The following TAS2R1 variants were observed in gnomAD, a reference collection of about 807,000 sequenced individuals.
The protein encoded by TAS2R1 is taste receptor type 2 member 1.
For missense variants in TAS2R1, 370 were observed against 353.4 expected, an observed-to-expected ratio of 1.05 and a Z score of -0.38; for synonymous variants, 141 against 134.2, an observed-to-expected ratio of 1.05 and a Z score of -0.35.
At chr5:9,835,374 T>C in the TAS2R1 span, among the ~76,000 whole-genome samples, 1 of 152,198 alleles carries the variant, frequency 6.6e-6, no homozygotes, top group Admixed American at 6.5e-5. Flanking sequence ...TGGACATACA[T>C]TCAGTGTCAG....
chr5:9,837,344 G>T, the TAS2R1 span, among the ~76,000 whole-genome samples: 1 of 152,158 alleles, frequency 6.6e-6, no homozygotes, highest in African/African-American at 2.4e-5. Context: ...GAGGCCACAT[G>T]GCAGCCCTTA....
the TAS2R1 span, among the ~76,000 whole-genome samples, chr5:9,830,635 ATAC>A: frequency 4.0e-5 from 6 of 151,306 alleles, no homozygotes; most frequent in African/African-American, 1.5e-4. Flanking sequence ...ACACACACAC[ATAC>A]AACAGAGACA....
the TAS2R1 span, among the ~76,000 whole-genome samples, chr5:9,899,126 C>G: frequency 6.6e-6 from 1 of 152,102 alleles, no homozygotes; most frequent in Admixed American, 6.5e-5. Context: ...ACCATCTATA[C>G]TAAAATATTT....
chr5:9,779,473 C>T, the TAS2R1 span, among the ~76,000 whole-genome samples: 1 of 152,226 alleles, frequency 6.6e-6, no homozygotes. Context: ...GAGATGTCAA[C>T]TCTTCCTGTC....
At chr5:9,848,400 G>A in the TAS2R1 span, among the ~76,000 whole-genome samples, 3 of 152,224 alleles carry the variant, frequency 2.0e-5, no homozygotes, top group African/African-American at 7.2e-5. Flanking sequence ...TTATGCAATG[G>A]GAACTCGGGT....
chr5:9,883,806 C>T, the TAS2R1 span: 2 of 152,310 alleles, frequency 1.3e-5, no homozygotes, highest in Admixed American at 6.5e-5. Context: ...TTCTCAAGTA[C>T]TTTGGGTAAA....
the TAS2R1 span, among the ~76,000 whole-genome samples, chr5:9,723,139 C>A: frequency 1.3e-5 from 2 of 152,152 alleles, no homozygotes; most frequent in Admixed American, 1.3e-4. Flanking sequence ...CCGGGGTTCC[C>A]AGCTTGCTAA....
At chr5:9,680,101 A>G (rs542298962) in intron 1 of TAS2R1, among the ~76,000 whole-genome samples, 1 of 152,328 alleles carries the variant, frequency 6.6e-6, no homozygotes, top group South Asian at 2.1e-4. Context: ...AGCCACTGAA[A>G]AAAGTTCCCA....
intron 2 of TAS2R1, among the ~76,000 whole-genome samples, chr5:9,635,961 CT>C (rs559085648): frequency 6.6e-6 from 1 of 151,540 alleles, no homozygotes; most frequent in Non-Finnish European, 1.5e-5. Context: ...TTTGTTATTT[CT>C]TTTTTTTCTG....
the TAS2R1 span, among the ~76,000 whole-genome samples, chr5:9,820,363 A>G: frequency 2.0e-5 from 3 of 152,230 alleles, no homozygotes; most frequent in African/African-American, 7.2e-5. Flanking sequence ...TTGAGCCTAT[A>G]AAATTTTCAT....
chr5:9,752,847 C>T, the TAS2R1 span, among the ~76,000 whole-genome samples: 116 of 152,222 alleles, frequency 7.6e-4, no homozygotes, highest in African/African-American at 2.6e-3. Flanking sequence ...TGGTTTCCAG[C>T]TTCATCCATG....
intron 1 of TAS2R1, among the ~76,000 whole-genome samples, chr5:9,683,226 A>G (rs566006828): frequency 9.9e-4 from 151 of 152,106 alleles, no homozygotes; most frequent in African/African-American, 2.8e-3. Flanking sequence ...TAATAATCTC[A>G]TATGTATTAT....
chr5:9,900,641 G>C, the TAS2R1 span, among the ~76,000 whole-genome samples: 8 of 58,278 alleles, frequency 1.4e-4, no homozygotes, highest in Non-Finnish European at 9.1e-5. Flanking sequence ...TTTTTTTTTA[G>C]ACGGAGTCTG....
chr5:9,860,577 T>C, the TAS2R1 span, among the ~76,000 whole-genome samples: 3 of 152,180 alleles, frequency 2.0e-5, no homozygotes, highest in Non-Finnish European at 4.4e-5. Flanking sequence ...GCTGTGGATT[T>C]GATGTGTAAA....
intron 2 of TAS2R1, among the ~76,000 whole-genome samples, chr5:9,638,132 C>G (rs1739999845): frequency 6.6e-6 from 1 of 152,212 alleles, no homozygotes; most frequent in Non-Finnish European, 1.5e-5. Context: ...ATGTGGTGCT[C>G]TCTTTCTTTC....
At chr5:9,819,743 C>G in the TAS2R1 span, among the ~76,000 whole-genome samples, 1 of 152,140 alleles carries the variant, frequency 6.6e-6, no homozygotes, top group Admixed American at 6.5e-5. Context: ...ACCTCCACAG[C>G]AGGCAAGCTT....
chr5:9,885,591 G>A, the TAS2R1 span, among the ~76,000 whole-genome samples: 11 of 152,082 alleles, frequency 7.2e-5, no homozygotes, highest in Non-Finnish European at 2.9e-5. Flanking sequence ...TATAAGTCAG[G>A]GGGGAAAAAG....
the TAS2R1 span, among the ~76,000 whole-genome samples, chr5:9,851,398 AC>A: frequency 6.6e-6 from 1 of 152,162 alleles, no homozygotes; most frequent in Admixed American, 6.5e-5. Context: ...AAGAAATAAT[AC>A]CACCTATAAC....
chr5:9,782,995 A>C, the TAS2R1 span, among the ~76,000 whole-genome samples: 1 of 152,292 alleles, frequency 6.6e-6, no homozygotes, highest in South Asian at 2.1e-4. Context: ...TGAAGTTGAC[A>C]AATAGCAGGC....
Sources: allele counts gnomAD v4.1 joint callset (sites outside exome capture counted in the v4.1 genomes callset), GRCh38; gene constraint gnomAD v4.1.1; transcripts MANE v1.5; gene names NCBI Gene and HGNC (gene_info 2026-07-23, HGNC 2026-07-21).